The following IAH1 variants were observed in gnomAD, a reference collection of about 807,000 sequenced individuals.
The protein encoded by IAH1 is isoamyl acetate-hydrolyzing esterase 1 homolog.
Under a neutral mutation model 26.7 loss-of-function variants are expected in IAH1, and 24 were observed. The ratio of observed to expected loss-of-function variants is 0.90; its 90% CI spans 0.65 to 1.26. The LOEUF (loss-of-function observed/expected upper bound fraction) is 1.26, where lower values mean the gene tolerates loss of function less well. Ranked by LOEUF, IAH1 falls within the 50% of genes most tolerant of loss-of-function variation. The pLI, the probability that IAH1 is intolerant of heterozygous loss-of-function variation, is 0.00. For synonymous variants in IAH1, 140 were observed against 118.5 expected (o/e 1.18, Z -1.18); for missense variants, 300 against 299.9 (o/e 1.00, Z 0.00).
chr2:9,497,057 C>T (rs1302843662), downstream of IAH1: 6 of 1,587,564 alleles, frequency 3.8e-6, no homozygotes, highest in African/African-American at 8.1e-5. Context: ...GGAAGGGAGC[C>T]TGGCAGACAA....
intron 1 of IAH1, chr2:9,475,344 C>T (rs1572826166): frequency 4.0e-6 from 2 of 496,484 alleles, no homozygotes; most frequent in East Asian, 7.7e-5. Flanking sequence ...GCATATGGGG[C>T]AGTCAGAGCT....
upstream of IAH1, chr2:9,474,484 C>A: frequency 1.3e-6 from 1 of 788,004 alleles, no homozygotes; most frequent in East Asian, 3.5e-5. This position sits in a 1 kb window ranked among gnomAD's most constrained non-coding sequence, Gnocchi z 4.3. Flanking sequence ...TGCCCACGAG[C>A]CCGGCTCCCG....
upstream of IAH1, chr2:9,474,538 G>GGCCAC: frequency 7.7e-7 from 1 of 1,293,726 alleles, no homozygotes; most frequent in Non-Finnish European, 1.0e-6. This position sits in a 1 kb window ranked among gnomAD's most constrained non-coding sequence, Gnocchi z 4.3. Context: ...CGTGGCTGGC[G>GGCCAC]GCCCCGCCCC....
chr2:9,488,475 A>G lies in IAH1; in HGVS notation c.*146A>G. 1 of 569,356 alleles carries G rather than the reference A, an allele frequency of 1.8e-6. No homozygotes were observed. The highest frequency in any genetic ancestry group is 3.1e-5 in the South Asian group (1 of 32,466). 35.3% of individuals were successfully genotyped at this position (569,356 alleles called of 1,614,324 possible). A position where few individuals can be genotyped will look rare whatever the true frequency, so the allele number is the denominator to read the frequency against. ...AGATGATTTTTCAGGGAAGTTTTATACTTAGGTCCATTGTGTTTCGACAGT... is the reference window on the plus strand; with the variant it reads ...AGATGATTTTTCAGGGAAGTTTTATGCTTAGGTCCATTGTGTTTCGACAGT... On this transcript the variant is annotated 3_prime_UTR_variant, in exon 6 of 6. Coordinates refer to ENST00000497473, the MANE Select transcript of IAH1 (RefSeq NM_001039613.3).
chr2:9,481,229 G>T, intron 3 of IAH1, 57 bp from the exon 4 acceptor site: 1 of 1,584,242 alleles, frequency 6.3e-7, no homozygotes, highest in South Asian at 1.1e-5. Context: ...GTGTTCACCT[G>T]AATTGTCACT....
chr2:9,477,110 T>C (rs1270144477), intron 2 of IAH1, among the ~76,000 whole-genome samples: 1 of 152,208 alleles, frequency 6.6e-6, no homozygotes, highest in African/African-American at 2.4e-5. Flanking sequence ...TTATAATCAT[T>C]ACACACACAA....
chr2:9,497,866 T>C (rs186253708), downstream of IAH1, among the ~76,000 whole-genome samples: 13 of 152,220 alleles, frequency 8.5e-5, no homozygotes, highest in East Asian at 2.5e-3. Context: ...TCTCCTTCAT[T>C]GCATATGTTT....
downstream of IAH1, chr2:9,490,178 T>G (rs1395447006): frequency 4.4e-6 from 7 of 1,590,248 alleles, no homozygotes; most frequent in Non-Finnish European, 6.0e-6. Flanking sequence ...AGAACTAAAT[T>G]AGCACTCTGT....
At chr2:9,484,590 CA>C (rs771948115) in intron 5 of IAH1, 40 bp downstream of exon 5, 1 of 1,341,546 alleles carries the variant, frequency 7.5e-7, no homozygotes, top group Non-Finnish European at 1.1e-6. Context: ...TAAATAGGAT[CA>C]CACAGAAGTA....
chr2:9,493,737 A>G (rs761148326), downstream of IAH1: 1 of 1,611,054 alleles, frequency 6.2e-7, no homozygotes, highest in East Asian at 2.2e-5. Flanking sequence ...AATCTGGGGA[A>G]ATCACCTACC....
At chr2:9,504,415 A>G in the IAH1 span, among the ~76,000 whole-genome samples, 6 of 152,204 alleles carry the variant, frequency 3.9e-5, no homozygotes, top group African/African-American at 1.4e-4. Context: ...ACTGCACTCC[A>G]GCCTGGCAAC....
In IAH1 at chr2:9,474,993, G is replaced by A; in HGVS notation, c.81+346G>A. ...GCAGCGGCCTTTCCCCTCCGGGTCCGGGTTAGCGGCCGCGGGCGACCGCGC... is the reference window on the plus strand; with the variant it reads ...GCAGCGGCCTTTCCCCTCCGGGTCCAGGTTAGCGGCCGCGGGCGACCGCGC... On this transcript the variant is annotated intron_variant, in intron 1 of 5. Coordinates refer to ENST00000497473, the MANE Select transcript of IAH1 (RefSeq NM_001039613.3). The surrounding 1 kb of genome is among the most constrained non-coding windows in gnomAD (Gnocchi z 4.3). The A allele has an allele frequency of 9.1e-7, 1 of 1,101,986 alleles. No homozygotes were observed. Among genetic ancestry groups the A allele is most frequent in the Non-Finnish European group, 1.1e-6 (1 of 895,370 alleles). 68.3% of individuals were successfully genotyped at this position (1,101,986 alleles called of 1,614,324 possible). A position where few individuals can be genotyped will look rare whatever the true frequency, so the allele number is the denominator to read the frequency against.
At chr2:9,475,896 C>T (rs1447967942) in intron 1 of IAH1, 91 bp from the exon 2 acceptor site, 15 of 1,087,318 alleles carry the variant, frequency 1.4e-5, no homozygotes, top group Non-Finnish European at 2.1e-5. Flanking sequence ...GAAGGGAGCG[C>T]CGAGAAAACA....
At position 9,484,438 on chromosome 2, in the gene IAH1, A is replaced by G; in HGVS notation, c.452A>G (p.Lys151Arg). Reference protein sequence around the residue: ...WEEQCIIQGCKLNRLNSVVGE... With the variant: ...WEEQCIIQGCRLNRLNSVVGE... Reference sequence around the variant, plus strand: ...TATTTCTTCTCTTCAATAGGTTGCAAACTAAATCGCCTGAACTCTGTTGTT... The same window carrying G: ...TATTTCTTCTCTTCAATAGGTTGCAGACTAAATCGCCTGAACTCTGTTGTT... Residue 151 changes from lysine (K) to arginine (R), a missense_variant, in exon 5 of 6, where the codon AAA becomes AGA. Lys to Arg is a conservative substitution (Grantham distance 26). Coordinates refer to ENST00000497473, the MANE Select transcript of IAH1 (RefSeq NM_001039613.3). 1 of 1,614,038 alleles carries G rather than the reference A, an allele frequency of 6.2e-7. No homozygotes were observed. The highest frequency in any genetic ancestry group is 8.5e-7 in the Non-Finnish European group (1 of 1,179,884).
At chr2:9,476,687 G>C (rs779182682) in intron 2 of IAH1, among the ~76,000 whole-genome samples, 5 of 152,174 alleles carry the variant, frequency 3.3e-5, no homozygotes, top group Non-Finnish European at 5.9e-5. Flanking sequence ...GTCACAAGGT[G>C]CTCTGTGGGG....
At position 9,478,230 on chromosome 2, in the gene IAH1, A is replaced by G. The variant is rs1443376211; in HGVS notation, c.143A>G (p.Asp48Gly). The G allele has an allele frequency of 6.3e-7, 1 of 1,592,366 alleles. No homozygotes were observed. Among genetic ancestry groups the G allele is most frequent in the East Asian group, 2.2e-5 (1 of 44,574 alleles). Reference protein sequence around the residue: ...SLADRLVRKCDVLNRGFSGYN... With the variant: ...SLADRLVRKCGVLNRGFSGYN... Reference sequence around the variant, plus strand: ...AAAATTTTTCGTTTCAGAAAATGTGATGTTCTGAATCGTGGATTTTCAGGT... The same window carrying G: ...AAAATTTTTCGTTTCAGAAAATGTGGTGTTCTGAATCGTGGATTTTCAGGT... Residue 48 changes from aspartate (D) to glycine (G), a missense_variant, in exon 3 of 6, where the codon GAT (aspartate) becomes GGT (glycine). Coordinates refer to ENST00000497473, the MANE Select transcript of IAH1 (RefSeq NM_001039613.3).
At chr2:9,474,544 G>GCCCCCCCCCCC, upstream of IAH1, 3 of 970,758 alleles carry the variant, frequency 3.1e-6, no homozygotes, top group African/African-American at 3.4e-5. The surrounding 1 kb of genome is among the most constrained non-coding windows in gnomAD (Gnocchi z 4.3). Context: ...TGGCGGCCCC[G>GCCCCCCCCCCC]CCCCGCCCCG....
chr2:9,509,881 G>T, the IAH1 span: 1 of 1,459,646 alleles, frequency 6.9e-7, no homozygotes, highest in Non-Finnish European at 9.3e-7. Context: ...CATCCCTAGG[G>T]AAACGCCTAG....
At chr2:9,508,458 T>C in the IAH1 span, among the ~76,000 whole-genome samples, 2 of 152,192 alleles carry the variant, frequency 1.3e-5, no homozygotes, top group Non-Finnish European at 1.5e-5. Context: ...ACAAAATTGA[T>C]CCATTTCAAG....
Sources: allele counts gnomAD v4.1 joint callset (sites outside exome capture counted in the v4.1 genomes callset), GRCh38; gene constraint gnomAD v4.1.1; non-coding constraint Gnocchi (gnomAD v3.1); transcripts MANE v1.5; gene names NCBI Gene and HGNC (gene_info 2026-07-23, HGNC 2026-07-21).